TIMM23B: variants seen among roughly 807,000 people sequenced by gnomAD.
TIMM23B encodes translocase of inner mitochondrial membrane 23 homolog B.
A neutral mutation model predicts 27.3 loss-of-function variants in TIMM23B; 27 were observed. The ratio of observed to expected loss-of-function variants is 0.99; its 90% CI spans 0.73 to 1.36. The LOEUF (loss-of-function observed/expected upper bound fraction) is 1.36. TIMM23B is among the 40% of genes most tolerant of loss of function. The pLI is 0.00. For synonymous variants in TIMM23B, 73 were observed against 92.4 expected (o/e 0.79, Z 1.21); for missense variants, 205 against 244.2 (o/e 0.84, Z 1.07).
intron 6 of TIMM23B, among the ~76,000 whole-genome samples, chr10:49,966,752 G>T (rs562573716): frequency 1.3e-5 from 2 of 152,084 alleles, no homozygotes; most frequent in East Asian, 3.9e-4. Context: ...TTGAACCCAG[G>T]AGATGGTGGT....
At chr10:49,949,305 T>C (rs1433953319) in intron 2 of TIMM23B, among the ~76,000 whole-genome samples, 6 of 151,700 alleles carry the variant, frequency 4.0e-5, no homozygotes, top group Non-Finnish European at 8.8e-5. Context: ...GCGTTAAGTG[T>C]TCAAATTGAA....
chr10:49,970,250 C>T (rs1554856244), intron 6 of TIMM23B: 2 of 153,226 alleles, frequency 1.3e-5, no homozygotes, highest in Admixed American at 1.3e-4. Context: ...TGCCTGGCCG[C>T]CCATCGTCTG....
At chr10:49,945,122 T>C in intron 2 of TIMM23B, 32 bp downstream of exon 2, 3 of 1,609,812 alleles carry the variant, frequency 1.9e-6, no homozygotes, top group Non-Finnish European at 2.5e-6. Context: ...TTTGGTGCAT[T>C]ATTTTACCAT....
Position 49,973,055 on chromosome 10 carries a change from T to C in TIMM23B, c.558T>C (p.Ser186=). 1 of 1,533,444 alleles carries C rather than the reference T, an allele frequency of 6.5e-7. No homozygotes were observed. The highest frequency in any genetic ancestry group is 8.7e-7 in the Non-Finnish European group (1 of 1,146,576). The allele number at this position is 1,533,444 out of a possible 1,614,324, so 95.0% of individuals were successfully genotyped here. A position where few individuals can be genotyped will look rare whatever the true frequency, so the allele number is the denominator to read the frequency against. ...ATTCCCCGTTCTGTGTGCTGCTGTCTGGCTCCTGAACCCAGCTGTAGAGGT... is the reference window on the plus strand; with the variant it reads ...ATTCCCCGTTCTGTGTGCTGCTGTCCGGCTCCTGAACCCAGCTGTAGAGGT... The part of the protein sequence containing the change: ...ALDSPFCVLL[S]GS Residue 186 remains serine, a synonymous_variant, in exon 7 of 7, where the codon TCT becomes TCC. Transcript: ENST00000651259.
At position 49,942,218 on chromosome 10, in the gene TIMM23B, C is replaced by T; in HGVS notation, c.24C>T (p.Gly8=). The T allele has an allele frequency of 6.2e-7, 1 of 1,610,732 alleles. No homozygotes were observed. Among genetic ancestry groups the T allele is most frequent in the Non-Finnish European group, 8.5e-7 (1 of 1,178,360 alleles). MEGGGGS[G]DKTTGVLAGF... is the part of the protein sequence containing the mutation. ...CCATGGAAGGAGGCGGGGGAAGCGGCGACAAAACCACAGGGGTATTGGCCG... is the reference window on the plus strand; with the variant it reads ...CCATGGAAGGAGGCGGGGGAAGCGGTGACAAAACCACAGGGGTATTGGCCG... The change falls in exon 1 of 7, where the codon GGC becomes GGT. Residue 8 remains glycine, a synonymous_variant. Transcript: ENST00000651259.
rs554546429 is a variant in TIMM23B, at chr10:49,966,611, A to G, written c.515-6401A>G. On this transcript the variant is annotated intron_variant, in intron 6 of 6. Transcript: ENST00000651259. ...GAGGCCGAGGCAGGTGGATCACCTG[A>G]GGTCAGGAGTTCAAGACCAGCCTGG... 9.9e-4 allele frequency among the ~76,000 whole-genome samples: 150 copies of G among 152,188 alleles called. 1 individual carries two copies. The highest frequency in any genetic ancestry group is 3.5e-3 in the African/African-American group (145 of 41,532).
In TIMM23B at chr10:49,958,500, G is replaced by T. The variant is rs1839795281; in HGVS notation, c.514+20G>T. 2 of 1,606,954 alleles carry T rather than the reference G, an allele frequency of 1.2e-6. No homozygotes were observed. The highest frequency in any genetic ancestry group is 2.7e-5 in the African/African-American group (2 of 74,750). The stretch of plus-strand genomic sequence containing the variant: ...GTACAGGTGAGTACTGTTGAATGGG[G>T]AGCCATCTCTTAATATACTTGAAGT... On this transcript the variant is annotated intron_variant, in intron 6 of 6. Coordinates refer to ENST00000651259, the MANE Select transcript of TIMM23B (RefSeq NM_001290117.2).
chr10:49,970,081 C>G (rs1840359020), intron 6 of TIMM23B: 1 of 159,946 alleles, frequency 6.3e-6, no homozygotes. Context: ...GATGGAGTCT[C>G]GTTCACTCAG....
At chr10:49,955,305 C>G (rs1315582709) in intron 5 of TIMM23B, among the ~76,000 whole-genome samples, 1 of 152,174 alleles carries the variant, frequency 6.6e-6, no homozygotes, top group Non-Finnish European at 1.5e-5. Flanking sequence ...GGACACTGCA[C>G]ACTCTCCAAG....
At chr10:49,951,498 C>G in intron 2 of TIMM23B, among the ~76,000 whole-genome samples, 1 of 151,814 alleles carries the variant, frequency 6.6e-6, no homozygotes. Flanking sequence ...CCATATTTTG[C>G]TCTTAAGAGT....
intron 6 of TIMM23B, among the ~76,000 whole-genome samples, chr10:49,966,088 GACATGACATGATGAA>G (rs1840139095): frequency 7.0e-6 from 1 of 142,490 alleles, no homozygotes; most frequent in Non-Finnish European, 1.6e-5. Context: ...GACATGACAT[GACATGACATGATGAA>G]ATGAAATAAT....
chr10:49,958,250 C>T, intron 5 of TIMM23B, 120 bp from the exon 6 acceptor site: 1 of 680,414 alleles, frequency 1.5e-6, no homozygotes, highest in South Asian at 1.7e-5. Flanking sequence ...TTGTTTTAGT[C>T]ACTTAGGAAG....
intron 5 of TIMM23B, among the ~76,000 whole-genome samples, chr10:49,956,493 A>G (rs1298402877): frequency 0.011 from 1,640 of 142,940 alleles, 59 homozygotes; most frequent in African/African-American, 0.038. Context: ...AATCCGAAGT[A>G]CAGCAATTAT....
chr10:49,969,760 C>G (rs1277633467), intron 6 of TIMM23B, among the ~76,000 whole-genome samples: 2 of 151,574 alleles, frequency 1.3e-5, no homozygotes, highest in Non-Finnish European at 2.9e-5. Flanking sequence ...CCCTCTCACT[C>G]TCCCTCTCCC....
chr10:49,973,541 G>C lies in TIMM23B; in HGVS notation c.*477G>C, dbSNP rs1312982401. The C allele has an allele frequency of 6.3e-6, 1 of 157,502 alleles. No individual in the cohort carries two copies. The highest frequency in any genetic ancestry group is 1.4e-5 in the Non-Finnish European group (1 of 71,838). 9.8% of individuals were successfully genotyped at this position (157,502 alleles called of 1,614,324 possible). ...AAAATGAAAACATTGGCTGGGCATG[G>C]TGGCTCATTCCTATAGTTCAGGCTA... is the stretch of plus-strand genomic sequence containing the variant. On this transcript the variant is annotated 3_prime_UTR_variant, in exon 7 of 7. Transcript: ENST00000651259.
At chr10:49,956,777 G>T (rs1839739882) in intron 5 of TIMM23B, among the ~76,000 whole-genome samples, 1 of 147,010 alleles carries the variant, frequency 6.8e-6, no homozygotes, top group African/African-American at 2.4e-5. Flanking sequence ...TTTATTTGTT[G>T]CCAGGTGTTT....
At chr10:49,945,111 G>A (rs1839315246) in intron 2 of TIMM23B, 21 bp downstream of exon 2, 3 of 1,610,236 alleles carry the variant, frequency 1.9e-6, no homozygotes, top group East Asian at 4.5e-5. Flanking sequence ...GATTTTACTA[G>A]TTTGGTGCAT....
intron 6 of TIMM23B, among the ~76,000 whole-genome samples, chr10:49,966,276 G>A (rs532184887): frequency 3.3e-5 from 5 of 151,170 alleles, no homozygotes; most frequent in South Asian, 4.2e-4. Context: ...TCTCTGTCTC[G>A]AAATGAAATG....
intron 6 of TIMM23B, among the ~76,000 whole-genome samples, chr10:49,961,300 T>C (rs1312301394): frequency 2.7e-5 from 4 of 148,870 alleles, no homozygotes; most frequent in Admixed American, 1.3e-4. Context: ...GGAGAATTGC[T>C]TGAACCTGGG....
Sources: allele counts gnomAD v4.1 joint callset (sites outside exome capture counted in the v4.1 genomes callset), GRCh38; gene constraint gnomAD v4.1.1; transcripts MANE v1.5; gene names NCBI Gene and HGNC (gene_info 2026-07-23, HGNC 2026-07-21).